The following CNTN5 variants were observed in gnomAD, a reference collection of about 807,000 sequenced individuals.
CNTN5 encodes the protein contactin 5, also known as contactin-5.
Under a neutral mutation model 129.1 loss-of-function variants are expected in CNTN5, and 77 were observed. The ratio of observed to expected loss-of-function variants is 0.60; its 90% confidence interval spans 0.50 to 0.72. CNTN5 has a LOEUF of 0.72. Among genes scored for constraint, CNTN5 ranks in the 30% least tolerant of loss-of-function variants. The pLI is 0.00. For missense variants in CNTN5, 1,478 were observed against 1,328.8 expected, an observed-to-expected ratio of 1.11 and a Z score of -1.75; for synonymous variants, 509 against 465.6, an observed-to-expected ratio of 1.09 and a Z score of -1.20.
intron 15 of CNTN5, among the ~76,000 whole-genome samples, chr11:100,203,632 A>T (rs1013201018): frequency 6.6e-6 from 1 of 151,874 alleles, no homozygotes; most frequent in Non-Finnish European, 1.5e-5. Context: ...GAATCTGTTG[A>T]TTCCTTTTCT....
At chr11:99,574,478 C>T (rs149444791) in intron 3 of CNTN5, among the ~76,000 whole-genome samples, 6,049 of 152,232 alleles carry the variant, frequency 0.04, 153 homozygotes, top group South Asian at 0.086. Context: ...TGAGGAATTG[C>T]CACACTGTCT....
At chr11:99,327,858 A>G (rs1390885948) in intron 2 of CNTN5, among the ~76,000 whole-genome samples, 1 of 152,190 alleles carries the variant, frequency 6.6e-6, no homozygotes, top group East Asian at 1.9e-4. Context: ...TGAGAATGAA[A>G]TGTTTCACTC....
At chr11:100,198,815 A>C (rs141543698) in intron 15 of CNTN5, among the ~76,000 whole-genome samples, 2 of 152,064 alleles carry the variant, frequency 1.3e-5, no homozygotes, top group African/African-American at 4.8e-5. Context: ...ATTCATATGC[A>C]GAATTTTTGT....
At chr11:99,473,657 C>T (rs1273972900) in intron 2 of CNTN5, among the ~76,000 whole-genome samples, 1 of 151,584 alleles carries the variant, frequency 6.6e-6, no homozygotes, top group Admixed American at 6.6e-5. Flanking sequence ...TTACACATTT[C>T]TCAGTGAAAC....
chr11:100,059,488 A>G (rs1241141586), intron 9 of CNTN5, among the ~76,000 whole-genome samples: 1 of 152,114 alleles, frequency 6.6e-6, no homozygotes, highest in Non-Finnish European at 1.5e-5. Context: ...AAGAACTCTA[A>G]GAAATTAACA....
In CNTN5 at chr11:99,922,011, G is replaced by A. The variant is rs1367704319; in HGVS notation, c.673+5862G>A. Among the ~76,000 whole-genome samples, 3 of 152,124 alleles carry A rather than the reference G, an allele frequency of 2.0e-5. No individual in the cohort carries two copies. The East Asian group carries it at 5.8e-4, about 29-fold the overall frequency. Reference sequence around the variant, plus strand: ...GAAAATATAGTCAAAAAAGCTTGCTGAAGAAACAGAATATATTAGTCCATT... The same window carrying A: ...GAAAATATAGTCAAAAAAGCTTGCTAAAGAAACAGAATATATTAGTCCATT... On this transcript the variant is annotated intron_variant, in intron 7 of 24. Transcript: ENST00000524871.
At chr11:99,852,706 G>GGT (rs1197291504) in intron 6 of CNTN5, among the ~76,000 whole-genome samples, 3 of 151,974 alleles carry the variant, frequency 2.0e-5, no homozygotes, top group African/African-American at 7.3e-5. Flanking sequence ...CTTGGCACAG[G>GGT]GTATATTTTA....
At chr11:99,520,972 A>T (rs1947254510) in intron 2 of CNTN5, among the ~76,000 whole-genome samples, 1 of 152,142 alleles carries the variant, frequency 6.6e-6, no homozygotes, top group South Asian at 2.1e-4. Context: ...TTGCATAGTA[A>T]TATGCGGTTT....
chr11:100,067,466 C>T (rs1273068191), intron 10 of CNTN5, among the ~76,000 whole-genome samples: 1 of 131,144 alleles, frequency 7.6e-6, no homozygotes, highest in Non-Finnish European at 1.6e-5. Flanking sequence ...CCAAGTTATG[C>T]CATTTCAGGA....
At chr11:99,513,432 A>G (rs1441492964) in intron 2 of CNTN5, among the ~76,000 whole-genome samples, 1 of 152,166 alleles carries the variant, frequency 6.6e-6, no homozygotes, top group Non-Finnish European at 1.5e-5. Context: ...ATGTAGACAA[A>G]GAGCCTTCTG....
chr11:99,673,825 T>C (rs1591459160), intron 3 of CNTN5, among the ~76,000 whole-genome samples: 1 of 152,124 alleles, frequency 6.6e-6, no homozygotes, highest in South Asian at 2.1e-4. Flanking sequence ...TGTATATGCA[T>C]CACATTTTGA....
At chr11:100,108,886 T>C (rs146410815) in intron 13 of CNTN5, among the ~76,000 whole-genome samples, 106 of 152,210 alleles carry the variant, frequency 7.0e-4, no homozygotes, top group African/African-American at 2.5e-3. Flanking sequence ...ATCAAAGTAA[T>C]TTGCAGCATA....
At chr11:100,331,365 C>A (rs1951902772) in intron 21 of CNTN5, among the ~76,000 whole-genome samples, 1 of 151,996 alleles carries the variant, frequency 6.6e-6, no homozygotes, top group Non-Finnish European at 1.5e-5. Context: ...GAATGAGATA[C>A]ATGACAACAC....
intron 1 of CNTN5, among the ~76,000 whole-genome samples, chr11:99,026,306 T>C (rs991104649): frequency 8.6e-5 from 13 of 151,732 alleles, no homozygotes; most frequent in African/African-American, 2.9e-4. Flanking sequence ...TCATATTCTT[T>C]TCTAAAAGAT....
chr11:100,196,170 G>C (rs1948633586), intron 15 of CNTN5, among the ~76,000 whole-genome samples: 1 of 151,964 alleles, frequency 6.6e-6, no homozygotes, highest in South Asian at 2.1e-4. Flanking sequence ...GGAATAGAGT[G>C]TGCCTATGAT....
intron 3 of CNTN5, among the ~76,000 whole-genome samples, chr11:99,775,107 C>G (rs567717246): frequency 1.3e-5 from 2 of 152,142 alleles, no homozygotes; most frequent in East Asian, 3.9e-4. Context: ...CCAAACTGAT[C>G]ATCATTGTGG....
intron 17 of CNTN5, among the ~76,000 whole-genome samples, chr11:100,267,914 GA>G (rs1950337631): frequency 6.6e-6 from 1 of 152,172 alleles, no homozygotes; most frequent in Non-Finnish European, 1.5e-5. Flanking sequence ...CAATGTGACA[GA>G]AGCTTGGTGA....
chr11:100,269,981 T>A (rs1037197281), intron 17 of CNTN5, among the ~76,000 whole-genome samples: 1 of 152,180 alleles, frequency 6.6e-6, no homozygotes, highest in African/African-American at 2.4e-5. Flanking sequence ...GGTCTGACAG[T>A]GGCCTTTCCC....
intron 3 of CNTN5, among the ~76,000 whole-genome samples, chr11:99,637,043 T>TAAAAAAAAAAAAAAAAAA (rs763109822): frequency 4.6e-3 from 438 of 95,732 alleles, no homozygotes; most frequent in Non-Finnish European, 5.5e-3. Flanking sequence ...AAAAAAAAAG[T>TAAAAAAAAAAAAAAAAAA]AAATGACTCT....
Sources: gnomAD v4.1 joint callset for allele counts (sites outside exome capture counted in the v4.1 genomes callset) on GRCh38, gnomAD v4.1.1 for gene constraint, MANE v1.5 for transcripts, NCBI Gene and HGNC (gene_info 2026-07-23, HGNC 2026-07-21) for gene names.